Variants in HIP1 observed in about 807,000 individuals in gnomAD.
HIP1 encodes huntingtin-interacting protein 1.
HIP1 carries 65 observed loss-of-function variants against 147.6 expected under a neutral mutation model. The ratio of observed to expected loss-of-function variants is 0.44; its 90% CI spans 0.36 to 0.54. The LOEUF is 0.54. Among genes scored for constraint, HIP1 ranks in the 20% least tolerant of loss-of-function variants. HIP1 has a pLI of 0.00. For synonymous variants in HIP1, 479 were observed against 504.0 expected, an observed-to-expected ratio of 0.95 and a Z score of 0.67; for missense variants, 1,061 against 1,299.6, an observed-to-expected ratio of 0.82 and a Z score of 2.82.
In HIP1 at chr7:75,586,774, G is replaced by A. The variant is rs2116946794; in HGVS notation, c.444C>T (p.Thr148=). The change falls in exon 5 of 31, where the codon ACC becomes ACT. Residue 148 remains threonine, a synonymous_variant. Transcript: ENST00000336926. ...TCACTTTGGTGTGGTACTCCATCTT[G>A]GTTCTTAGCAGTTTCAGGTAGATGC... ...LCSIYLKLLR[T]KMEYHTKNPR... 6.2e-7 allele frequency: 1 copy of A among 1,612,922 alleles called. No homozygotes were observed. Among genetic ancestry groups the A allele is most frequent in the East Asian group, 2.2e-5 (1 of 44,876 alleles).
chr7:75,580,269 C>T (rs781796931), intron 7 of HIP1, among the ~76,000 whole-genome samples: 2 of 152,188 alleles, frequency 1.3e-5, no homozygotes, highest in Admixed American at 6.6e-5. Flanking sequence ...AGCCCAGTTC[C>T]GAGTAGCAGA....
intron 1 of HIP1, among the ~76,000 whole-genome samples, chr7:75,727,784 T>G (rs1801700457): frequency 6.7e-6 from 1 of 149,886 alleles, no homozygotes; most frequent in African/African-American, 2.5e-5. Flanking sequence ...AGCAGGAGGT[T>G]GCAGTGAGCT....
At chr7:75,681,406 G>A (rs1303550677) in intron 1 of HIP1, among the ~76,000 whole-genome samples, 4 of 149,912 alleles carry the variant, frequency 2.7e-5, no homozygotes, top group East Asian at 2.0e-4. Flanking sequence ...ATTCCCACTC[G>A]TCCTTTGGAT....
At chr7:75,556,340 G>T (rs1192284304) in intron 17 of HIP1, among the ~76,000 whole-genome samples, 171 bp from the exon 18 acceptor site, 1 of 152,134 alleles carries the variant, frequency 6.6e-6, no homozygotes, top group Non-Finnish European at 1.5e-5. Context: ...GGGCTGACTT[G>T]GCCAGGCCAA....
chr7:75,678,406 C>T (rs1461754509), intron 1 of HIP1, among the ~76,000 whole-genome samples: 2 of 147,440 alleles, frequency 1.4e-5, no homozygotes, highest in African/African-American at 5.0e-5. Context: ...TACGGTGGCA[C>T]AATCTCAGCT....
At chr7:75,620,246 C>T (rs1344166553) in intron 1 of HIP1, among the ~76,000 whole-genome samples, 1 of 151,604 alleles carries the variant, frequency 6.6e-6, no homozygotes, top group Non-Finnish European at 1.5e-5. Flanking sequence ...ATTATCCAGG[C>T]GTGGTGGTGC....
chr7:75,732,719 C>T (rs1801876333), intron 1 of HIP1, among the ~76,000 whole-genome samples: 1 of 152,280 alleles, frequency 6.6e-6, no homozygotes, highest in Admixed American at 6.5e-5. Context: ...GTTTGTTCCC[C>T]ACTCTGTGTC....
intron 1 of HIP1, among the ~76,000 whole-genome samples, chr7:75,660,412 A>G (rs1311984673): frequency 6.6e-6 from 1 of 152,090 alleles, no homozygotes; most frequent in African/African-American, 2.4e-5. Flanking sequence ...CAGTGGTCCC[A>G]GCTACTTGGG....
intron 1 of HIP1, among the ~76,000 whole-genome samples, chr7:75,701,104 A>G (rs6467388): frequency 0.55 from 83,621 of 151,942 alleles, 23,758 homozygotes; most frequent in African/African-American, 0.68. Context: ...TAAAAATGCT[A>G]CCAAGGTCAG....
intron 1 of HIP1, among the ~76,000 whole-genome samples, chr7:75,664,689 C>T (rs992373872): frequency 1.3e-5 from 2 of 151,884 alleles, no homozygotes; most frequent in African/African-American, 4.8e-5. Flanking sequence ...AGTACAATCT[C>T]GGCTCACTGC....
intron 7 of HIP1, among the ~76,000 whole-genome samples, chr7:75,579,427 G>A (rs1795958950): frequency 6.6e-6 from 1 of 151,978 alleles, no homozygotes; most frequent in African/African-American, 2.4e-5. Context: ...GAGTAGTTGG[G>A]ATTACAGGTG....
intron 1 of HIP1, among the ~76,000 whole-genome samples, chr7:75,700,277 T>G (rs1439226040): frequency 3.9e-5 from 6 of 152,138 alleles, no homozygotes; most frequent in Non-Finnish European, 8.8e-5. Flanking sequence ...GCCCGTCAGC[T>G]CTTCCTGGGG....
intron 1 of HIP1, among the ~76,000 whole-genome samples, chr7:75,719,683 A>AGG (rs1295934858): frequency 1.3e-5 from 2 of 151,980 alleles, no homozygotes; most frequent in African/African-American, 4.8e-5. Context: ...GGCCTCCCAA[A>AGG]GTGCTGGGAT....
chr7:75,637,851 C>G (rs936074830), intron 1 of HIP1, among the ~76,000 whole-genome samples: 2 of 151,964 alleles, frequency 1.3e-5, no homozygotes, highest in Non-Finnish European at 2.9e-5. Flanking sequence ...AGGCCAGGGC[C>G]GGGCAGAGAA....
At chr7:75,593,462 C>A (rs1796572669) in intron 2 of HIP1, among the ~76,000 whole-genome samples, 1 of 151,912 alleles carries the variant, frequency 6.6e-6, no homozygotes, top group Admixed American at 6.6e-5. Context: ...GAAACTCCAT[C>A]TCTACTAAAA....
In HIP1 at chr7:75,575,427, T is replaced by C. The variant is rs184706207; in HGVS notation, c.605-1526A>G. On this transcript the variant is annotated intron_variant, in intron 7 of 30. Coordinates refer to ENST00000336926, the MANE Select transcript of HIP1 (RefSeq NM_005338.7). ...GTGAGCTGAGACGGTGCCACTGCAC[T>C]CCAGCCTGGGTGACAGAGTGAGACT... is the stretch of plus-strand genomic sequence containing the variant. Among the ~76,000 whole-genome samples, 507 of 152,276 alleles carry C rather than the reference T, an allele frequency of 3.3e-3. 3 individuals carry two copies. The highest frequency in any genetic ancestry group is 5.1e-3 in the Non-Finnish European group (346 of 68,032).
chr7:75,636,069 T>C (rs1798416714), intron 1 of HIP1, among the ~76,000 whole-genome samples: 1 of 132,478 alleles, frequency 7.5e-6, no homozygotes, highest in African/African-American at 2.9e-5. Flanking sequence ...AGGCCAGGTG[T>C]GGTGGCTCAC....
chr7:75,602,606 G>A (rs1459047180), intron 1 of HIP1, among the ~76,000 whole-genome samples: 2 of 145,364 alleles, frequency 1.4e-5, no homozygotes, highest in Non-Finnish European at 1.5e-5. Context: ...GAGTTCAAGC[G>A]ATTCTCTCAC....
At chr7:75,733,122 C>T (rs553973906) in intron 1 of HIP1, among the ~76,000 whole-genome samples, 129 of 152,304 alleles carry the variant, frequency 8.5e-4, no homozygotes, top group African/African-American at 3.0e-3. Context: ...ATTGACAGCC[C>T]TCCTGGCTGA....
Sources: allele counts gnomAD v4.1 joint callset (sites outside exome capture counted in the v4.1 genomes callset), GRCh38; gene constraint gnomAD v4.1.1; transcripts MANE v1.5; gene names NCBI Gene and HGNC (gene_info 2026-07-23, HGNC 2026-07-21).